SLC39A14: variants seen among roughly 807,000 people sequenced by gnomAD.
The protein encoded by SLC39A14 is metal cation symporter ZIP14.
A neutral mutation model predicts 45.5 loss-of-function variants in SLC39A14; 19 were observed. That is an observed-to-expected ratio of 0.42 (90% CI 0.29 to 0.61). SLC39A14 has a LOEUF of 0.61. Ranked by LOEUF, SLC39A14 falls within the 20% of genes least tolerant of loss-of-function variation. SLC39A14 has a pLI of 0.22. For missense variants in SLC39A14, 447 were observed against 616.5 expected (o/e 0.73, Z 2.91); for synonymous variants, 264 against 251.3 (o/e 1.05, Z -0.48).
intron 4 of SLC39A14, among the ~76,000 whole-genome samples, chr8:22,414,540 G>C (rs1028644618): frequency 9.2e-5 from 14 of 152,186 alleles, no homozygotes; most frequent in African/African-American, 3.4e-4. Context: ...AAATTCTACA[G>C]ATGATCAGTC....
intron 8 of SLC39A14, among the ~76,000 whole-genome samples, chr8:22,432,813 A>ATT (rs1200544661): frequency 1.6e-4 from 17 of 103,570 alleles, no homozygotes; most frequent in African/African-American, 7.2e-4. Flanking sequence ...ACACCCGGCT[A>ATT]TTTTGTTTTT....
intron 8 of SLC39A14, among the ~76,000 whole-genome samples, chr8:22,430,904 C>T (rs1438954243): frequency 6.6e-6 from 1 of 152,002 alleles, no homozygotes; most frequent in East Asian, 1.9e-4. Flanking sequence ...AACTCCTGGC[C>T]TCAAGTAATC....
chr8:22,369,423 T>G (rs1832814399), intron 1 of SLC39A14, among the ~76,000 whole-genome samples: 1 of 152,116 alleles, frequency 6.6e-6, no homozygotes, highest in Non-Finnish European at 1.5e-5. Context: ...GAGTAAGAAT[T>G]TTGGGCTCTG....
chr8:22,401,609 A>T (rs1310885568), intron 1 of SLC39A14, among the ~76,000 whole-genome samples: 2 of 125,892 alleles, frequency 1.6e-5, no homozygotes, highest in Non-Finnish European at 3.1e-5. Context: ...GTGCAGTGGC[A>T]CTATCTCGGC....
At chr8:22,372,664 C>T (rs1289239058) in intron 1 of SLC39A14, among the ~76,000 whole-genome samples, 1 of 152,170 alleles carries the variant, frequency 6.6e-6, no homozygotes, top group African/African-American at 2.4e-5. Context: ...AGTTTAATTT[C>T]AGCTTTTTAT....
At chr8:22,374,589 AAGTGAGGT>A (rs535825229) in intron 1 of SLC39A14, among the ~76,000 whole-genome samples, 5,647 of 151,966 alleles carry the variant, frequency 0.037, 127 homozygotes, top group African/African-American at 0.04. Context: ...AGGGAGCAGC[AAGTGAGGT>A]AGCTGGAAAT....
At chr8:22,380,924 C>T (rs535006268) in intron 1 of SLC39A14, among the ~76,000 whole-genome samples, 63 of 152,196 alleles carry the variant, frequency 4.1e-4, no homozygotes, top group African/African-American at 1.4e-3. Flanking sequence ...CAATCCACCC[C>T]CTTGGCCTCC....
chr8:22,387,374 A>C (rs2132225609), intron 1 of SLC39A14, among the ~76,000 whole-genome samples: 1 of 152,248 alleles, frequency 6.6e-6, no homozygotes, highest in East Asian at 1.9e-4. Flanking sequence ...TTGCAAGCTA[A>C]AAGCAGAAAC....
In SLC39A14 at chr8:22,419,999, G is replaced by A; in HGVS notation, c.*301G>A. 9.2e-7 allele frequency: 1 copy of A among 1,092,008 alleles called. No individual in the cohort carries two copies. The highest frequency in any genetic ancestry group is 1.1e-6 in the Non-Finnish European group (1 of 897,810). The allele number at this position is 1,092,008 out of a possible 1,614,324, so 67.6% of individuals were successfully genotyped here. ...CCTGACTTTTTTCTCTGATTACCTT[G>A]GCCTCCTCTTGGAACCAGTGCTGAA... is the stretch of plus-strand genomic sequence containing the variant. On this transcript the variant is annotated 3_prime_UTR_variant, in exon 9 of 9. Coordinates refer to ENST00000381237, the MANE Select transcript of SLC39A14 (RefSeq NM_001128431.4).
At position 22,420,525 on chromosome 8, in the gene SLC39A14, A is replaced by G; in HGVS notation, c.*827A>G. On this transcript the variant is annotated 3_prime_UTR_variant, in exon 9 of 9. Coordinates refer to ENST00000381237, the MANE Select transcript of SLC39A14 (RefSeq NM_001128431.4). ...CTGTGATTTTGACCTCCTCTTCCCC[A>G]CTGCCATCTTCTAAGAGACTTTGTA... The G allele has an allele frequency of 1.0e-6, 1 of 985,406 alleles. No individual in the cohort carries two copies. The allele number at this position is 985,406 out of a possible 1,614,324, so 61.0% of individuals were successfully genotyped here.
At position 22,410,588 on chromosome 8, in the gene SLC39A14, A is replaced by C. The variant is rs531850751; in HGVS notation, c.458-1449A>C. ...TGGCCTAAAAAGCGAGTGTTCTTTA[A>C]TTTTGAGCAGGCCATCGTTTCTAGC... is the stretch of plus-strand genomic sequence containing the variant. On this transcript the variant is annotated intron_variant, in intron 3 of 8. Coordinates refer to ENST00000381237, the MANE Select transcript of SLC39A14 (RefSeq NM_001128431.4). Among the ~76,000 whole-genome samples the C allele has an allele frequency of 4.9e-4, 75 of 152,306 alleles. 1 individual carries two copies. The highest frequency in any genetic ancestry group is 1.7e-3 in the African/African-American group (71 of 41,582).
At chr8:22,398,490 C>T (rs1410563328) in intron 1 of SLC39A14, among the ~76,000 whole-genome samples, 1 of 151,952 alleles carries the variant, frequency 6.6e-6, no homozygotes, top group East Asian at 1.9e-4. Context: ...TTTCTGCGCC[C>T]AGAATCTGAG....
chr8:22,391,933 A>C (rs1036094339), intron 1 of SLC39A14, among the ~76,000 whole-genome samples: 4 of 152,206 alleles, frequency 2.6e-5, no homozygotes, highest in African/African-American at 4.8e-5. Flanking sequence ...AAGGGAGGCA[A>C]AACTTCTCTG....
At chr8:22,419,342 C>A (rs1054488740) in intron 8 of SLC39A14, among the ~76,000 whole-genome samples, 1 of 152,152 alleles carries the variant, frequency 6.6e-6, no homozygotes, top group Non-Finnish European at 1.5e-5. Context: ...CGCCACCACG[C>A]CCAGCTAATT....
At chr8:22,408,250 T>A in intron 2 of SLC39A14, 60 bp from the exon 3 acceptor site, 2 of 1,495,298 alleles carry the variant, frequency 1.3e-6, no homozygotes. Context: ...GGTTGCTGTT[T>A]AGCAGGGCAA....
rs1165800507 is a variant in SLC39A14, at chr8:22,396,387, G to A, written c.-15-8309G>A. On this transcript the variant is annotated intron_variant, in intron 1 of 8. Coordinates refer to ENST00000381237, the MANE Select transcript of SLC39A14 (RefSeq NM_001128431.4). ...ATCTTAAAAAATAAATAAATAAATA[G>A]AGAGAGAGAGAGAGAGAGAGAGAGA... Among the ~76,000 whole-genome samples, 4 of 5,592 alleles carry A rather than the reference G, an allele frequency of 7.2e-4. No individual in the cohort carries two copies. In the African/African-American group the frequency reaches 0.011, roughly 16 times the overall value. 3.7% of individuals were successfully genotyped at this position (5,592 alleles called of 152,430 possible). A position where few individuals can be genotyped will look rare whatever the true frequency, so the allele number is the denominator to read the frequency against.
intron 1 of SLC39A14, among the ~76,000 whole-genome samples, chr8:22,379,927 CAAAAAAAAAAAA>C (rs35093772): frequency 1.1e-5 from 1 of 87,960 alleles, no homozygotes; most frequent in African/African-American, 4.1e-5. Flanking sequence ...GACTCCATCT[CAAAAAAAAAAAA>C]AAAAAAAAGA....
chr8:22,403,197 C>T (rs766747612), intron 1 of SLC39A14, among the ~76,000 whole-genome samples: 4 of 152,132 alleles, frequency 2.6e-5, no homozygotes, highest in Admixed American at 6.5e-5. Context: ...AGGATGGTCT[C>T]GATCTCCTGA....
downstream of SLC39A14, among the ~76,000 whole-genome samples, chr8:22,426,441 A>C (rs764998067): frequency 6.6e-6 from 1 of 151,490 alleles, no homozygotes; most frequent in African/African-American, 2.4e-5. Context: ...AATCCTCCTG[A>C]CTAGGCCTCC....
Sources: allele counts gnomAD v4.1 joint callset (sites outside exome capture counted in the v4.1 genomes callset), GRCh38; gene constraint gnomAD v4.1.1; transcripts MANE v1.5; gene names NCBI Gene and HGNC (gene_info 2026-07-23, HGNC 2026-07-21).